Variants in TUBGCP4 observed in about 807,000 individuals in gnomAD.
TUBGCP4 encodes tubulin gamma complex component 4.
Under a neutral mutation model 91.6 loss-of-function variants are expected in TUBGCP4, and 54 were observed. The observed-to-expected ratio is 0.59, with a 90% confidence interval of 0.47 to 0.74. TUBGCP4 has a LOEUF of 0.74. Among genes scored for constraint, TUBGCP4 ranks in the 30% least tolerant of loss-of-function variants. TUBGCP4 has a pLI of 0.00. For missense variants in TUBGCP4, 593 were observed against 800.9 expected, an observed-to-expected ratio of 0.74 and a Z score of 3.13; for synonymous variants, 297 against 302.8, an observed-to-expected ratio of 0.98 and a Z score of 0.20.
At chr15:43,388,888 G>A (rs1420395764) in intron 9 of TUBGCP4, among the ~76,000 whole-genome samples, 1 of 152,018 alleles carries the variant, frequency 6.6e-6, no homozygotes, top group Non-Finnish European at 1.5e-5. Context: ...ATCCCTTTTG[G>A]GATTCTTTCT....
chr15:43,397,102 C>G (rs2044594048), intron 11 of TUBGCP4, 112 bp from the exon 12 acceptor site: 1 of 764,028 alleles, frequency 1.3e-6, no homozygotes, highest in Non-Finnish European at 2.4e-6. Flanking sequence ...CAGATGTCCA[C>G]TGTGTCCTGC....
Position 43,408,961 on chromosome 15 carries a change from G to A in TUBGCP4, c.*3747G>A. The A allele has an allele frequency of 6.2e-7, 1 of 1,614,178 alleles. No individual in the cohort carries two copies. The highest frequency in any genetic ancestry group is 8.5e-7 in the Non-Finnish European group (1 of 1,180,038). ...GGCAACAGATAATTACGGTAGTTCT[G>A]GAGCTGGTTGGCATGGCAACTATCA... On this transcript the variant is annotated 3_prime_UTR_variant, in exon 18 of 18. Transcript: ENST00000564079.
At chr15:43,393,800 T>A (rs1377976104) in intron 9 of TUBGCP4, among the ~76,000 whole-genome samples, 2 of 152,208 alleles carry the variant, frequency 1.3e-5, no homozygotes, top group Non-Finnish European at 2.9e-5. Flanking sequence ...GGCTGCATAG[T>A]ATTCCATGGT....
In TUBGCP4 at chr15:43,376,176, A is replaced by G. The variant is rs775133037; in HGVS notation, c.157A>G (p.Ile53Val). ...NRLCRLGTDY[I>V]RFTEFIEQYT... Reference sequence around the variant, plus strand: ...ACTCTGCCGGCTCGGCACAGACTATATTCGCTTCACTGAGTTCATTGAACA... The same window carrying G: ...ACTCTGCCGGCTCGGCACAGACTATGTTCGCTTCACTGAGTTCATTGAACA... Residue 53 changes from isoleucine (I) to valine (V), a missense_variant, in exon 2 of 18, where the codon ATT becomes GTT. By Grantham distance (29) the Ile-to-Val change is conservative (BLOSUM62 3). Transcript: ENST00000564079. 18 of 1,613,926 alleles carry G rather than the reference A, an allele frequency of 1.1e-5. No homozygotes were observed. Among genetic ancestry groups the G allele is most frequent in the Middle Eastern group, 3.3e-4 (2 of 6,084 alleles).
chr15:43,375,421 C>T (rs1376854862), intron 1 of TUBGCP4, among the ~76,000 whole-genome samples: 1 of 152,160 alleles, frequency 6.6e-6, no homozygotes, highest in African/African-American at 2.4e-5. Flanking sequence ...ACGTATTTTA[C>T]CACAGTATTT....
In TUBGCP4 at chr15:43,376,486, T is replaced by C; in HGVS notation, c.208-17T>C. On this transcript the variant is annotated splice_polypyrimidine_tract_variant and intron_variant, in intron 2 of 17. Coordinates refer to ENST00000564079, the MANE Select transcript of TUBGCP4 (RefSeq NM_014444.5). ...GGGCCTGAGCTGAGAAGTTGGCTTC[T>C]GTTTGTTTGATTTCAGGATCACCAT... 4 of 1,614,226 alleles carry C rather than the reference T, an allele frequency of 2.5e-6. No individual in the cohort carries two copies. The highest frequency in any genetic ancestry group is 3.4e-6 in the Non-Finnish European group (4 of 1,180,038).
In TUBGCP4 at chr15:43,406,430, G is replaced by A; in HGVS notation, c.*1216G>A. The A allele has an allele frequency of 2.9e-6, 1 of 343,940 alleles. No homozygotes were observed. Among genetic ancestry groups the A allele is most frequent in the Non-Finnish European group, 5.7e-6 (1 of 173,996 alleles). The allele number at this position is 343,940 out of a possible 1,614,324, so 21.3% of individuals were successfully genotyped here. On this transcript the variant is annotated 3_prime_UTR_variant, in exon 18 of 18. Transcript: ENST00000564079. Reference sequence around the variant, plus strand: ...ACTGCTGTCTCTGGAGCAGGAGCTGGCAAACTATGGCCTGCTGTCTGTTTT... The same window carrying A: ...ACTGCTGTCTCTGGAGCAGGAGCTGACAAACTATGGCCTGCTGTCTGTTTT...
At chr15:43,401,499 G>A (rs1200470915) in intron 14 of TUBGCP4, among the ~76,000 whole-genome samples, 4 of 151,926 alleles carry the variant, frequency 2.6e-5, no homozygotes, top group Non-Finnish European at 5.9e-5. Flanking sequence ...GGGGAGAGTG[G>A]TCAGCCAGGA....
At chr15:43,378,458 A>T (rs977990784) in intron 5 of TUBGCP4, among the ~76,000 whole-genome samples, 3 of 152,250 alleles carry the variant, frequency 2.0e-5, no homozygotes, top group Non-Finnish European at 4.4e-5. Flanking sequence ...CTGCTGTCCT[A>T]TTGAATTGGT....
intron 15 of TUBGCP4, chr15:43,402,903 T>G (rs558816709): frequency 6.6e-6 from 1 of 152,346 alleles, no homozygotes; most frequent in African/African-American, 2.4e-5. Flanking sequence ...TTCTGGTGTT[T>G]AGGGCTATTT....
chr15:43,392,656 G>A (rs979302714), intron 9 of TUBGCP4, among the ~76,000 whole-genome samples: 1 of 151,866 alleles, frequency 6.6e-6, no homozygotes, highest in Non-Finnish European at 1.5e-5. Flanking sequence ...GTGCCACTAC[G>A]CCCGGCTAAT....
Position 43,407,393 on chromosome 15 carries a change from A to G in TUBGCP4, c.*2179A>G. The G allele has an allele frequency of 6.2e-7, 1 of 1,614,156 alleles. No individual in the cohort carries two copies. On this transcript the variant is annotated 3_prime_UTR_variant, in exon 18 of 18. Coordinates refer to ENST00000564079, the MANE Select transcript of TUBGCP4 (RefSeq NM_014444.5). Reference sequence around the variant, plus strand: ...TAAGACCAAGTATCTTTAGTGAGAAACATAATCGTGTTTATATTTTGGATG... The same window carrying G: ...TAAGACCAAGTATCTTTAGTGAGAAGCATAATCGTGTTTATATTTTGGATG...
intron 1 of TUBGCP4, among the ~76,000 whole-genome samples, chr15:43,372,886 G>A (rs370710039): frequency 1.6e-4 from 25 of 151,998 alleles, no homozygotes; most frequent in Non-Finnish European, 2.8e-4. Context: ...CCTTTCTCCC[G>A]CATAGATTGC....
chr15:43,405,362 A>C lies in TUBGCP4; in HGVS notation c.*148A>C. 1.2e-6 allele frequency: 1 copy of C among 837,550 alleles called. No individual in the cohort carries two copies. Among genetic ancestry groups the C allele is most frequent in the Non-Finnish European group, 1.9e-6 (1 of 518,820 alleles). 51.9% of individuals were successfully genotyped at this position (837,550 alleles called of 1,614,324 possible). A position where few individuals can be genotyped will look rare whatever the true frequency, so the allele number is the denominator to read the frequency against. ...TTTCTCCTAGAAGCAGTTACTGAAC[A>C]TCCAGGAGTACAACTCCTTCCCATC... On this transcript the variant is annotated 3_prime_UTR_variant, in exon 18 of 18. Transcript: ENST00000564079.
intron 5 of TUBGCP4, among the ~76,000 whole-genome samples, chr15:43,379,441 T>A (rs7169790): frequency 0.28 from 42,305 of 151,844 alleles, 9,723 homozygotes; most frequent in African/African-American, 0.63. Flanking sequence ...GGAGATTGAG[T>A]CCATCCTGGC....
At chr15:43,379,967 A>G in intron 5 of TUBGCP4, 117 bp from the exon 6 acceptor site, 1 of 957,488 alleles carries the variant, frequency 1.0e-6, no homozygotes, top group Middle Eastern at 2.1e-4. Context: ...ATCTTAGGAG[A>G]AAGTTTATCC....
In TUBGCP4 at chr15:43,403,720, A is replaced by C; in HGVS notation, c.1769A>C (p.His590Pro). 2.5e-6 allele frequency: 4 copies of C among 1,613,302 alleles called. No homozygotes were observed. The East Asian group carries it at 8.9e-5, about 36-fold the overall frequency. ...HCLNEILDLC[H>P]SFCSLVSQNL... ...CTGAATGAAATCCTAGATCTCTGTC[A>C]CAGTTTTTGTTCGCTGGTCAGTCAG... Residue 590 changes from histidine to proline, a missense_variant, in exon 16 of 18, where the codon CAC becomes CCC. Physicochemically the swap from His to Pro is moderately conservative, Grantham distance 77. Transcript: ENST00000564079.
chr15:43,374,322 A>G (rs116465803), intron 1 of TUBGCP4, among the ~76,000 whole-genome samples: 1,575 of 152,172 alleles, frequency 0.01, 27 homozygotes, highest in African/African-American at 0.036. Context: ...AAAAAATTAA[A>G]TAAAGGCCAG....
chr15:43,381,333 A>T (rs1362398837), intron 6 of TUBGCP4, among the ~76,000 whole-genome samples: 1 of 152,242 alleles, frequency 6.6e-6, no homozygotes, highest in Non-Finnish European at 1.5e-5. Flanking sequence ...TTTTAAAGAG[A>T]GATTCCATTC....
Sources: gnomAD v4.1 joint callset for allele counts (sites outside exome capture counted in the v4.1 genomes callset) on GRCh38, gnomAD v4.1.1 for gene constraint, MANE v1.5 for transcripts, NCBI Gene and HGNC (gene_info 2026-07-23, HGNC 2026-07-21) for gene names.